REG4: variants seen among roughly 807,000 people sequenced by gnomAD.
REG4 encodes regenerating islet-derived protein 4.
REG4 carries 16 observed loss-of-function variants against 22.3 expected under a neutral mutation model. The observed-to-expected ratio is 0.72, with a 90% CI of 0.49 to 1.09. The LOEUF is 1.09. REG4 is among the 50% of genes least tolerant of loss of function. The probability of loss-of-function intolerance (pLI) is 0.00; values close to 1 mark genes in which losing one functional copy is unlikely to be tolerated. For synonymous variants in REG4, 71 were observed against 69.2 expected (o/e 1.03, Z -0.13); for missense variants, 214 against 193.9 (o/e 1.10, Z -0.61).
chr1:119,801,397 A>G (rs587625327), intron 3 of REG4: 5 of 152,276 alleles, frequency 3.3e-5, no homozygotes, highest in African/African-American at 1.2e-4. Context: ...TATCACTGTA[A>G]TTCTATTCAA....
In REG4 at chr1:119,794,064, C is replaced by G; in HGVS notation, c.*554G>C. On this transcript the variant is annotated 3_prime_UTR_variant, in exon 6 of 6. Coordinates refer to ENST00000256585, the MANE Select transcript of REG4 (RefSeq NM_032044.4). ...TTTCACTTTTCCACATTCACCATTA[C>G]TGAACTGGAACACAGCAACCTCTTA... is the stretch of plus-strand genomic sequence containing the variant. 1 of 522,674 alleles carries G rather than the reference C, an allele frequency of 1.9e-6. No homozygotes were observed. Among genetic ancestry groups the G allele is most frequent in the Non-Finnish European group, 4.0e-6 (1 of 253,054 alleles). The allele number at this position is 522,674 out of a possible 1,614,324, so 32.4% of individuals were successfully genotyped here.
intron 3 of REG4, chr1:119,802,495 A>G: frequency 9.6e-7 from 1 of 1,036,474 alleles, no homozygotes; most frequent in Non-Finnish European, 1.2e-6. Context: ...ACAATTCAGC[A>G]GCATCCACTC....
intron 2 of REG4, among the ~76,000 whole-genome samples, chr1:119,805,238 A>G (rs963596047): frequency 8.5e-5 from 13 of 152,228 alleles, no homozygotes; most frequent in African/African-American, 2.2e-4. Context: ...ATTGATTACC[A>G]GAGGGCAGAT....
At chr1:119,802,301 G>A (rs908669718) in intron 3 of REG4, 66 of 974,994 alleles carry the variant, frequency 6.8e-5, no homozygotes, top group Non-Finnish European at 7.7e-5. Context: ...TTAATCCTGG[G>A]CTTTCTAAGG....
intron 3 of REG4, 73 bp from the exon 4 acceptor site, chr1:119,799,935 G>T: frequency 6.4e-7 from 1 of 1,565,942 alleles, no homozygotes; most frequent in Non-Finnish European, 8.7e-7. Flanking sequence ...GAACGCTAGC[G>T]TGCCAAGAAG....
At chr1:119,808,635 T>C (rs587675215) in intron 2 of REG4, 68 bp downstream of exon 2, 1 of 1,102,518 alleles carries the variant, frequency 9.1e-7, no homozygotes, top group Admixed American at 2.0e-5. Context: ...GGCAAATGGA[T>C]GACTGTCTCA....
At chr1:119,809,111 A>G (rs1402443429) in intron 1 of REG4, 2 of 179,162 alleles carry the variant, frequency 1.1e-5, no homozygotes, top group African/African-American at 4.7e-5. Flanking sequence ...GCAATTTGTA[A>G]ACCACCGAGC....
intron 1 of REG4, among the ~76,000 whole-genome samples, chr1:119,810,710 T>G (rs1654468442): frequency 6.6e-6 from 1 of 152,198 alleles, no homozygotes. Flanking sequence ...CTGTGAATAA[T>G]TTTTAGTGAA....
Position 119,804,721 on chromosome 1 carries a change from C to T in REG4, c.68-1556G>A, listed in dbSNP as rs117761828. Among the ~76,000 whole-genome samples the T allele has an allele frequency of 2.8e-4, 43 of 152,300 alleles. No individual in the cohort carries two copies. The East Asian group carries it at 7.3e-3, about 26-fold the overall frequency. On this transcript the variant is annotated intron_variant, in intron 2 of 5. Coordinates refer to ENST00000256585, the MANE Select transcript of REG4 (RefSeq NM_032044.4). ...GTAAATAAGGTGCTTGACTTTCTAT[C>T]ATCTCTCTGTTCTCTACCTGTCTTT... is the stretch of plus-strand genomic sequence containing the variant.
chr1:119,802,840 A>T (rs1654156860), intron 3 of REG4: 2 of 1,542,098 alleles, frequency 1.3e-6, no homozygotes, highest in Admixed American at 4.0e-5. Context: ...ATGTATCCGT[A>T]TGTGCTTGTA....
intron 5 of REG4, among the ~76,000 whole-genome samples, chr1:119,797,218 G>A (rs1474304431): frequency 6.6e-6 from 1 of 152,036 alleles, no homozygotes; most frequent in African/African-American, 2.4e-5. Context: ...TCCTTGATTG[G>A]AGTAAAAATC....
intron 5 of REG4, among the ~76,000 whole-genome samples, chr1:119,797,149 C>T (rs780213589): frequency 6.6e-6 from 1 of 151,890 alleles, no homozygotes; most frequent in Non-Finnish European, 1.5e-5. Flanking sequence ...TAAGGTTTCT[C>T]ACTACTTCCT....
chr1:119,798,611 A>G lies in REG4; in HGVS notation c.304-9T>C, dbSNP rs1342444985. 6.8e-6 allele frequency: 11 copies of G among 1,612,412 alleles called. No individual in the cohort carries two copies. The highest frequency in any genetic ancestry group is 1.7e-4 in the Middle Eastern group (1 of 6,030). The stretch of plus-strand genomic sequence containing the variant: ...CACTGCCACTGCTGCCTCTGCAACA[A>G]CAGGAGATGGAGAAGTGTACAGCTC... On this transcript the variant is annotated splice_polypyrimidine_tract_variant and intron_variant, in intron 4 of 5. Transcript: ENST00000256585.
chr1:119,798,220 A>G (rs1007357103), intron 5 of REG4, among the ~76,000 whole-genome samples: 23 of 152,250 alleles, frequency 1.5e-4, no homozygotes, highest in Admixed American at 5.9e-4. Context: ...ATTTTAAAAT[A>G]AGTGTATTTC....
intron 2 of REG4, among the ~76,000 whole-genome samples, chr1:119,806,111 T>C (rs587739589): frequency 1.4e-4 from 21 of 152,238 alleles, no homozygotes; most frequent in African/African-American, 5.1e-4. Context: ...TTTTGTACTT[T>C]TTTTTTAGTA....
chr1:119,801,616 T>A (rs2289458), intron 3 of REG4: 70,756 of 152,210 alleles, frequency 0.46, 17,365 homozygotes, highest in East Asian at 0.86. Flanking sequence ...AAGCTCAAGG[T>A]CGGATGTCCA....
At chr1:119,796,413 G>C (rs940270923) in intron 5 of REG4, among the ~76,000 whole-genome samples, 3 of 152,132 alleles carry the variant, frequency 2.0e-5, no homozygotes, top group Non-Finnish European at 4.4e-5. Flanking sequence ...GATGTAAAGG[G>C]GAGAGTCAGA....
At chr1:119,808,985 G>A (rs1654416875) in intron 1 of REG4, 122 bp from the exon 2 acceptor site, 3 of 502,696 alleles carry the variant, frequency 6.0e-6, no homozygotes, top group Non-Finnish European at 1.1e-5. Flanking sequence ...GGAATCTCAA[G>A]TTAGATGTAC....
At chr1:119,807,769 C>G (rs1654367667) in intron 2 of REG4, among the ~76,000 whole-genome samples, 1 of 152,232 alleles carries the variant, frequency 6.6e-6, no homozygotes, top group Non-Finnish European at 1.5e-5. Context: ...GGACCGCAGA[C>G]TGCAGCCATA....
Sources: allele counts gnomAD v4.1 joint callset (sites outside exome capture counted in the v4.1 genomes callset), GRCh38; gene constraint gnomAD v4.1.1; transcripts MANE v1.5; gene names NCBI Gene and HGNC (gene_info 2026-07-23, HGNC 2026-07-21).